Variants in LRRC37A observed in about 807,000 individuals in gnomAD.
The protein encoded by LRRC37A is leucine-rich repeat-containing protein 37A.
A neutral mutation model predicts 35.4 loss-of-function variants in LRRC37A; 3 were observed. The observed-to-expected ratio is 0.08, with a 90% CI of 0.04 to 0.22. The LOEUF (loss-of-function observed/expected upper bound fraction) is 0.22, where lower values mean the gene tolerates loss of function less well. Ranked by LOEUF, LRRC37A falls within the 10% of genes least tolerant of loss-of-function variation. LRRC37A has a pLI of 1.00. For synonymous variants in LRRC37A, 23 were observed against 215.0 expected, an observed-to-expected ratio of 0.11 and a Z score of 7.81; for missense variants, 67 against 565.3, an observed-to-expected ratio of 0.12 and a Z score of 8.94.
the LRRC37A span, among the ~76,000 whole-genome samples, chr17:46,262,566 T>A: frequency 6.6e-6 from 1 of 152,204 alleles, no homozygotes; most frequent in Non-Finnish European, 1.5e-5. Flanking sequence ...TTTTTGTTCA[T>A]CCTGTTGTTT....
At chr17:46,298,694 A>AGCCT (rs1378903491) in intron 1 of LRRC37A, among the ~76,000 whole-genome samples, 4 of 105,012 alleles carry the variant, frequency 3.8e-5, no homozygotes, top group Non-Finnish European at 8.3e-5. Context: ...ACTGCACTCC[A>AGCCT]GCCTGGGCGA....
chr17:46,267,276 G>T, the LRRC37A span: 1 of 1,117,230 alleles, frequency 9.0e-7, no homozygotes. Context: ...CCAACGCCCA[G>T]GGACTGGGAG....
the LRRC37A span, among the ~76,000 whole-genome samples, chr17:46,287,452 G>A: frequency 2.6e-5 from 4 of 152,338 alleles, no homozygotes; most frequent in East Asian, 7.7e-4. Context: ...CCAAGTAGAA[G>A]TTACACTACA....
chr17:46,253,751 TGGGGAGAGGGAGAGGGAGGGGGAGGGGAG>T, the LRRC37A span, among the ~76,000 whole-genome samples: 1 of 27,226 alleles, frequency 3.7e-5, no homozygotes, highest in Non-Finnish European at 7.3e-5. Flanking sequence ...AGGGAGACCG[TGGGGAGAGGGAGAGGGAGGGGGAGGGGAG>T]GGGGAGAGGG....
the LRRC37A span, among the ~76,000 whole-genome samples, chr17:46,252,756 G>T: frequency 6.6e-6 from 1 of 151,934 alleles, no homozygotes; most frequent in South Asian, 2.1e-4. Context: ...AAAATGAAAA[G>T]TCTCCCATGT....
At chr17:46,269,670 G>C in the LRRC37A span, among the ~76,000 whole-genome samples, 5 of 152,360 alleles carry the variant, frequency 3.3e-5, no homozygotes, top group Non-Finnish European at 5.9e-5. Context: ...ATGCCTCCCT[G>C]CTCCTAATAA....
the LRRC37A span, chr17:46,259,499 A>T: frequency 6.3e-7 from 1 of 1,588,708 alleles, no homozygotes. Flanking sequence ...TTGGGGCCTG[A>T]TACAGGCTCT....
the LRRC37A span, among the ~76,000 whole-genome samples, chr17:46,257,452 CAAA>C: frequency 1.2e-4 from 10 of 83,290 alleles, no homozygotes; most frequent in South Asian, 3.4e-4. Context: ...GACTCTGTCT[CAAA>C]AAAAAAAAAA....
rs1292767383 is a variant in LRRC37A at position 46,307,950 on chromosome 17, T to G, written c.2906+1641T>G. On this transcript the variant is annotated intron_variant, in intron 5 of 13. Transcript: ENST00000320254. ...TCACTTGAAACCAGGAGGCGGAGGT[T>G]GCAGTGAGCCGAGATGGCACCATTG... Among the ~76,000 whole-genome samples the G allele has an allele frequency of 5.4e-5, 4 of 74,620 alleles. 2 individuals carry two copies. The highest frequency in any genetic ancestry group is 1.6e-4 in the Non-Finnish European group (4 of 24,992). 49.0% of individuals were successfully genotyped at this position (74,620 alleles called of 152,430 possible).
intron 10 of LRRC37A, chr17:46,334,813 C>T (rs555219120): frequency 1.5e-5 from 2 of 131,356 alleles, no homozygotes; most frequent in South Asian, 4.8e-4. Context: ...AGCAGGTCCA[C>T]ATCTTCAGAT....
At chr17:46,263,038 C>A in the LRRC37A span, among the ~76,000 whole-genome samples, 1 of 152,082 alleles carries the variant, frequency 6.6e-6, no homozygotes, top group Non-Finnish European at 1.5e-5. Flanking sequence ...CATGGTGAAA[C>A]CCCATCTCTA....
upstream of LRRC37A, among the ~76,000 whole-genome samples, chr17:46,290,501 C>T (rs1456703461): frequency 6.6e-6 from 1 of 152,234 alleles, no homozygotes; most frequent in Non-Finnish European, 1.5e-5. Context: ...CTCTGTCGTG[C>T]AGTGGCATGA....
chr17:46,267,634 AG>A, the LRRC37A span: 1 of 1,414,748 alleles, frequency 7.1e-7, no homozygotes, highest in Non-Finnish European at 9.9e-7. Flanking sequence ...GATGGGGGAC[AG>A]TATTGTAACA....
the LRRC37A span, among the ~76,000 whole-genome samples, chr17:46,258,247 T>A: frequency 6.8e-6 from 1 of 146,070 alleles, no homozygotes; most frequent in South Asian, 2.1e-4. Flanking sequence ...AGTCTCGCTC[T>A]GTCGCCAGGC....
At chr17:46,273,296 G>C in the LRRC37A span, among the ~76,000 whole-genome samples, 18,483 of 152,184 alleles carry the variant, frequency 0.12, 1 homozygote, top group Non-Finnish European at 0.18. Flanking sequence ...CCATATTTAA[G>C]TATTTCCATC....
chr17:46,260,291 G>C, the LRRC37A span: 1 of 1,506,652 alleles, frequency 6.6e-7, no homozygotes, highest in Non-Finnish European at 8.8e-7. Flanking sequence ...CGGCCTGCGC[G>C]CCGCGCCGCG....
At chr17:46,277,170 A>G in the LRRC37A span, among the ~76,000 whole-genome samples, 2 of 152,208 alleles carry the variant, frequency 1.3e-5, no homozygotes, top group East Asian at 3.8e-4. Flanking sequence ...TTTATTGAAA[A>G]TTATGTCAAC....
the LRRC37A span, among the ~76,000 whole-genome samples, chr17:46,268,304 C>G: frequency 3.9e-5 from 6 of 152,222 alleles, no homozygotes; most frequent in Admixed American, 3.9e-4. Flanking sequence ...AAGGCGTGAG[C>G]CACTGCACTG....
the LRRC37A span, among the ~76,000 whole-genome samples, chr17:46,285,500 C>A: frequency 7.2e-6 from 1 of 138,172 alleles, no homozygotes; most frequent in Non-Finnish European, 1.7e-5. Context: ...TCAGCCCCCA[C>A]AAAGTGCTGG....
Sources: allele counts gnomAD v4.1 joint callset (sites outside exome capture counted in the v4.1 genomes callset), GRCh38; gene constraint gnomAD v4.1.1; transcripts MANE v1.5; gene names NCBI Gene and HGNC (gene_info 2026-07-23, HGNC 2026-07-21).